Variants in CEP43 observed in about 807,000 individuals in gnomAD.
CEP43 encodes the protein FGFR1 oncogene partner.
CEP43 carries 36 observed loss-of-function variants against 52.6 expected under a neutral mutation model. The ratio of observed to expected loss-of-function variants is 0.68; its 90% confidence interval spans 0.52 to 0.90. The LOEUF (loss-of-function observed/expected upper bound fraction) is 0.90, where lower values mean the gene tolerates loss of function less well. CEP43 is among the 40% of genes least tolerant of loss of function. The probability of loss-of-function intolerance (pLI) is 0.00; values close to 1 mark genes in which losing one functional copy is unlikely to be tolerated. For missense variants in CEP43, 506 were observed against 472.8 expected (o/e 1.07, Z -0.65); for synonymous variants, 192 against 172.4 (o/e 1.11, Z -0.89).
At chr6:167,013,326 G>A (rs1000807247) in intron 6 of CEP43, among the ~76,000 whole-genome samples, 182 bp from the exon 7 acceptor site, 1 of 152,194 alleles carries the variant, frequency 6.6e-6, no homozygotes, top group African/African-American at 2.4e-5. Context: ...CAGTAAACAT[G>A]AGGTAGATCA....
At chr6:167,020,317 A>G (rs1310120592) in intron 7 of CEP43, among the ~76,000 whole-genome samples, 2 of 152,256 alleles carry the variant, frequency 1.3e-5, no homozygotes, top group African/African-American at 2.4e-5. Flanking sequence ...TGCACAGCAT[A>G]TATCTTGCCT....
rs1018989851 is a variant in CEP43 at position 167,052,551 on chromosome 6, A to G, written c.*12573A>G. The G allele has an allele frequency of 2.6e-5, 4 of 152,170 alleles. No homozygotes were observed. The South Asian group carries it at 8.3e-4, about 31-fold the overall frequency. The allele number at this position is 152,170 out of a possible 1,614,324, so 9.4% of individuals were successfully genotyped here. A position where few individuals can be genotyped will look rare whatever the true frequency, so the allele number is the denominator to read the frequency against. ...CTTGCCTTTCACCAAGTGACCCTAT[A>G]CTGGCGGCAGAACTTCTCGATTTTG... On this transcript the variant is annotated 3_prime_UTR_variant, in exon 13 of 13. Transcript: ENST00000366847.
chr6:167,047,100 A>T lies in CEP43; in HGVS notation c.*7122A>T, dbSNP rs1780809836. 1 of 152,280 alleles carries T rather than the reference A, an allele frequency of 6.6e-6. No homozygotes were observed. Among genetic ancestry groups the T allele is most frequent in the African/African-American group, 2.4e-5 (1 of 41,430 alleles). The allele number at this position is 152,280 out of a possible 1,614,324, so 9.4% of individuals were successfully genotyped here. On this transcript the variant is annotated 3_prime_UTR_variant, in exon 13 of 13. Transcript: ENST00000366847. Reference sequence around the variant, plus strand: ...GAATGCCTGTGTGCTCTGCATGGGGATGTAAAGGTGTGAGCAAACCTTCTT... The same window carrying T: ...GAATGCCTGTGTGCTCTGCATGGGGTTGTAAAGGTGTGAGCAAACCTTCTT...
intron 10 of CEP43, among the ~76,000 whole-genome samples, chr6:167,029,132 G>T (rs908203710): frequency 6.6e-6 from 1 of 152,108 alleles, no homozygotes; most frequent in African/African-American, 2.4e-5. Context: ...TAGTTCACAG[G>T]CTGAACAAAA....
intron 2 of CEP43, among the ~76,000 whole-genome samples, chr6:167,000,799 G>A (rs1296720574): frequency 6.6e-6 from 1 of 152,130 alleles, no homozygotes; most frequent in Non-Finnish European, 1.5e-5. Context: ...GCAGCATTTT[G>A]CTCTGGACCC....
intron 6 of CEP43, 135 bp from the exon 7 acceptor site, chr6:167,013,373 G>A (rs1780025575): frequency 4.8e-6 from 3 of 626,882 alleles, no homozygotes; most frequent in African/African-American, 3.7e-5. Context: ...AAAAAAGCAG[G>A]CCTCACAGAA....
At position 167,041,013 on chromosome 6, in the gene CEP43, AAGTAGAAAAAAC is replaced by A; in HGVS notation, c.*1044_*1055del. The A allele has an allele frequency of 1.9e-6, 2 of 1,027,414 alleles. No individual in the cohort carries two copies. Among genetic ancestry groups the A allele is most frequent in the Non-Finnish European group, 2.3e-6 (2 of 854,680 alleles). 63.6% of individuals were successfully genotyped at this position (1,027,414 alleles called of 1,614,324 possible). ...AATACTAAAGTATTTTAAAATGTGCAAGTAGAAAAAACAGTAGAAAGTGATGCATGCATATTT... is the reference window on the plus strand; with the variant it reads ...AATACTAAAGTATTTTAAAATGTGCAAGTAGAAAGTGATGCATGCATATTT... On this transcript the variant is annotated 3_prime_UTR_variant, in exon 13 of 13. Coordinates refer to ENST00000366847, the MANE Select transcript of CEP43 (RefSeq NM_007045.4).
chr6:167,018,996 C>T (rs890070350), intron 7 of CEP43, among the ~76,000 whole-genome samples: 1 of 152,054 alleles, frequency 6.6e-6, no homozygotes, highest in Admixed American at 6.6e-5. Flanking sequence ...GATCTTTTCC[C>T]AGGACAGTAA....
At chr6:167,026,908 A>G (rs564026338) in intron 10 of CEP43, among the ~76,000 whole-genome samples, 4 of 152,374 alleles carry the variant, frequency 2.6e-5, no homozygotes, top group African/African-American at 9.6e-5. Flanking sequence ...GGGTCAGTAT[A>G]TATGGGTATA....
rs578233213 is a variant in CEP43 at position 167,041,894 on chromosome 6, G to T, written c.*1916G>T. On this transcript the variant is annotated 3_prime_UTR_variant, in exon 13 of 13. Transcript: ENST00000366847. ...ACTGGAGTACAGTGATGCGATCTCG[G>T]CTCACTGCAACCTCCGCCTCCTGGG... 6.5e-5 allele frequency: 49 copies of T among 754,256 alleles called. No homozygotes were observed. In the South Asian group the frequency reaches 2.6e-3, roughly 40 times the overall value. 46.7% of individuals were successfully genotyped at this position (754,256 alleles called of 1,614,324 possible). A position where few individuals can be genotyped will look rare whatever the true frequency, so the allele number is the denominator to read the frequency against.
intron 12 of CEP43, among the ~76,000 whole-genome samples, chr6:167,038,477 AT>A (rs2128668670): frequency 6.6e-6 from 1 of 152,364 alleles, no homozygotes; most frequent in Non-Finnish European, 1.5e-5. Flanking sequence ...TGGGTAAATT[AT>A]GGTTTTAGAG....
intron 3 of CEP43, chr6:167,003,507 A>G (rs959212479): frequency 3.8e-6 from 2 of 522,882 alleles, no homozygotes; most frequent in African/African-American, 3.9e-5. Flanking sequence ...CTATGAGATG[A>G]TTGTCTTACA....
At position 167,046,205 on chromosome 6, in the gene CEP43, AT is replaced by A. The variant is rs35649418; in HGVS notation, c.*6228del. 58,286 of 151,978 alleles carry A rather than the reference AT, an allele frequency of 0.38. 11,245 individuals are homozygous for A. Among genetic ancestry groups the A allele is most frequent in the Middle Eastern group, 0.45 (131 of 294 alleles). The allele number at this position is 151,978 out of a possible 1,614,324, so 9.4% of individuals were successfully genotyped here. ...ATCTGAGCGTGAATTACATTCTCCA[AT>A]ATTTTTATTTGTCATGATTTATTGC... On this transcript the variant is annotated 3_prime_UTR_variant, in exon 13 of 13. Coordinates refer to ENST00000366847, the MANE Select transcript of CEP43 (RefSeq NM_007045.4).
chr6:167,010,690 TAATAAGA>T (rs1283075143), intron 5 of CEP43, 116 bp from the exon 6 acceptor site: 3 of 487,096 alleles, frequency 6.2e-6, no homozygotes, highest in Admixed American at 8.6e-5. Context: ...ATGGTTACTT[TAATAAGA>T]AATAAAATAC....
rs73033024 is a variant in CEP43 at position 167,042,921 on chromosome 6, T to C, written c.*2943T>C. ...CAACATTTGTCCCCTAGTATGAGCT[T>C]GGCATCTTTGGGGCTGTAAACAGGC... On this transcript the variant is annotated 3_prime_UTR_variant, in exon 13 of 13. Coordinates refer to ENST00000366847, the MANE Select transcript of CEP43 (RefSeq NM_007045.4). The C allele has an allele frequency of 0.02, 3,108 of 152,060 alleles. 52 individuals carry two copies. The highest frequency in any genetic ancestry group is 0.09 in the East Asian group (466 of 5,170). The allele number at this position is 152,060 out of a possible 1,614,324, so 9.4% of individuals were successfully genotyped here.
At chr6:167,038,941 C>A (rs993098154) in intron 12 of CEP43, among the ~76,000 whole-genome samples, 6 of 152,062 alleles carry the variant, frequency 3.9e-5, no homozygotes, top group African/African-American at 1.4e-4. Context: ...GCCTTTTATC[C>A]CTCACCCTCC....
Position 167,044,106 on chromosome 6 carries a change from G to A in CEP43, c.*4128G>A, listed in dbSNP as rs117031925. 0.018 allele frequency: 2,791 copies of A among 152,094 alleles called. 46 individuals are homozygous for A. Among genetic ancestry groups the A allele is most frequent in the East Asian group, 0.09 (466 of 5,156 alleles). The allele number at this position is 152,094 out of a possible 1,614,324, so 9.4% of individuals were successfully genotyped here. A position where few individuals can be genotyped will look rare whatever the true frequency, so the allele number is the denominator to read the frequency against. On this transcript the variant is annotated 3_prime_UTR_variant, in exon 13 of 13. Coordinates refer to ENST00000366847, the MANE Select transcript of CEP43 (RefSeq NM_007045.4). ...GGCCCTCCCAGATGGTGAACCTGCC[G>A]GTACCTTGATCTTGGACTTAAGCCA...
At chr6:167,026,460 C>G in intron 9 of CEP43, 87 bp from the exon 10 acceptor site, 1 of 799,144 alleles carries the variant, frequency 1.3e-6, no homozygotes, top group Non-Finnish European at 2.2e-6. Flanking sequence ...AAAGAAGCCC[C>G]ATATTGAACA....
At chr6:167,012,364 A>T (rs1393125002) in intron 6 of CEP43, among the ~76,000 whole-genome samples, 7 of 151,690 alleles carry the variant, frequency 4.6e-5, no homozygotes, top group Admixed American at 3.3e-4. Context: ...GCCTTTTTTT[A>T]AAATTTTTTT....
Sources: allele counts gnomAD v4.1 joint callset (sites outside exome capture counted in the v4.1 genomes callset), GRCh38; gene constraint gnomAD v4.1.1; transcripts MANE v1.5; gene names NCBI Gene and HGNC (gene_info 2026-07-23, HGNC 2026-07-21).